Variants in APOB observed in about 807,000 individuals in gnomAD.
The protein encoded by APOB is apolipoprotein B, also known as apolipoprotein B-100.
Under a neutral mutation model 314.1 loss-of-function variants are expected in APOB, and 153 were observed. The observed-to-expected ratio is 0.49, with a 90% confidence interval of 0.43 to 0.56. The LOEUF (loss-of-function observed/expected upper bound fraction) is 0.56, where lower values mean the gene tolerates loss of function less well. Among genes scored for constraint, APOB ranks in the 20% least tolerant of loss-of-function variants. APOB has a pLI of 0.00. For missense variants in APOB, 5,430 were observed against 5,350.7 expected (o/e 1.01, Z -0.46); for synonymous variants, 2,087 against 2,036.4 (o/e 1.02, Z -0.67).
At chr2:21,035,000 C>A (rs571367552) in intron 7 of APOB, 99 bp from the exon 8 acceptor site, 17 of 783,712 alleles carry the variant, frequency 2.2e-5, no homozygotes, top group South Asian at 2.0e-4. Context: ...CCAAGTCCTG[C>A]CCATCTTTCA....
In APOB at chr2:21,009,303, C is replaced by T. The variant is rs781243278; in HGVS notation, c.7565G>A (p.Arg2522Gln). ...FRETLEDTRD[R>Q]MYQMDIQQEL... The stretch of plus-strand genomic sequence containing the variant: ...CTGCTGAATGTCCATTTGATACATT[C>T]GGTCTCGTGTATCTTCTAGGGTCTC... The change falls in exon 26 of 29, where the codon CGA becomes CAA. Residue 2522 changes from arginine (R) to glutamine (Q), a missense_variant. Arg to Gln is a conservative substitution (Grantham distance 43). This residue lies in a region of APOB where 3,281 missense variants were observed against 3,171.0 expected (regional missense o/e 1.03). Coordinates refer to ENST00000233242, the MANE Select transcript of APOB (RefSeq NM_000384.3). 4.8e-5 allele frequency: 77 copies of T among 1,613,948 alleles called. No individual in the cohort carries two copies. The highest frequency in any genetic ancestry group is 8.9e-5 in the East Asian group (4 of 44,896).
Position 21,032,550 on chromosome 2 carries a change from C to G in APOB, c.1156G>C (p.Gly386Arg). The G allele has an allele frequency of 1.9e-6, 3 of 1,614,142 alleles. No homozygotes were observed. Among genetic ancestry groups the G allele is most frequent in the Non-Finnish European group, 2.5e-6 (3 of 1,180,030 alleles). Residue 386 changes from glycine to arginine, a missense_variant, in exon 10 of 29, where the codon GGA becomes CGA. Gly to Arg is a moderately radical substitution (Grantham distance 125, BLOSUM62 -2). Transcript: ENST00000233242. ...ATGTGAGTGGAGCACTGAGGCTGTC[C>G]ACACTGAACCAAGGCTTGTAAAGTG... ...PITLQALVQC[G>R]QPQCSTHILQ...
In APOB at chr2:21,008,030, A is replaced by T. The variant is rs1663195905; in HGVS notation, c.8838T>A (p.Ile2946=). 6.2e-7 allele frequency: 1 copy of T among 1,613,942 alleles called. No homozygotes were observed. Among genetic ancestry groups the T allele is most frequent in the African/African-American group, 1.3e-5 (1 of 74,912 alleles). Residue 2946 remains isoleucine, a synonymous_variant, in exon 26 of 29, where the codon ATT becomes ATA. Coordinates refer to ENST00000233242, the MANE Select transcript of APOB (RefSeq NM_000384.3). ...FSDEGTHESQ[I]SFTIEGPLTS... ...TGAGGGGTCCTTCTATGGTGAAACT[A>T]ATTTGTGATTCATGTGTTCCCTCAT...
chr2:21,038,974 A>G lies in APOB; in HGVS notation c.384-863T>C, dbSNP rs142229577. Among the ~76,000 whole-genome samples, 468 of 152,316 alleles carry G rather than the reference A, an allele frequency of 3.1e-3. 4 individuals carry two copies. Among genetic ancestry groups the G allele is most frequent in the South Asian group, 0.023 (113 of 4,830 alleles). ...ACATTCCATTCCATGGCTAAATATA[A>G]TTTATTCACACATTGCCCCATTTGA... On this transcript the variant is annotated intron_variant, in intron 4 of 28. Transcript: ENST00000233242.
rs757204163 is a variant in APOB at position 21,005,585 on chromosome 2, G to T, written c.11283C>A (p.Cys3761Ter). The T allele has an allele frequency of 4.3e-6, 7 of 1,613,928 alleles. No individual in the cohort carries two copies. The African/African-American group carries it at 9.3e-5, about 22-fold the overall frequency. ...TTTGTATTTCTCTGAAGTCAAGTTT[G>T]CACGATGGAACCTGAAGATCTGTAA... ...VPFTDLQVPS[C>*]KLDFREIQIY... The change falls in exon 26 of 29, where the codon TGC becomes TGA. Residue 3761 changes from cysteine (C) to a stop codon, truncating the protein, a stop_gained. Coordinates refer to ENST00000233242, the MANE Select transcript of APOB (RefSeq NM_000384.3). LOFTEE classifies it high-confidence loss of function.
At chr2:21,033,635 C>A (rs1279969196) in intron 8 of APOB, 117 bp from the exon 9 acceptor site, 2 of 876,448 alleles carry the variant, frequency 2.3e-6, no homozygotes, top group East Asian at 4.9e-5. Flanking sequence ...AAGAAACTAT[C>A]CTGTATTCAA....
intron 10 of APOB, among the ~76,000 whole-genome samples, chr2:21,030,396 C>T (rs181573330): frequency 6.6e-5 from 10 of 152,042 alleles, no homozygotes; most frequent in Admixed American, 5.9e-4. Context: ...GATGGATTGC[C>T]ATATGCAGAA....
intron 20 of APOB, among the ~76,000 whole-genome samples, chr2:21,018,316 A>C (rs905601116): frequency 6.6e-5 from 10 of 152,184 alleles, no homozygotes; most frequent in Non-Finnish European, 1.2e-4. Context: ...AAATCAAATC[A>C]TGAGGACTCC....
chr2:21,019,206 A>G (rs1370970527), intron 19 of APOB, 93 bp from the exon 20 acceptor site: 1 of 1,482,458 alleles, frequency 6.7e-7, no homozygotes, highest in Non-Finnish European at 9.4e-7. Context: ...AATGCAACAA[A>G]AATATGGTCC....
chr2:21,004,762 T>A, intron 26 of APOB, 87 bp from the exon 27 acceptor site: 1 of 1,011,740 alleles, frequency 9.9e-7, no homozygotes. Flanking sequence ...AATTCTATCC[T>A]AACCAGATAT....
Position 21,005,796 on chromosome 2 carries a change from T to C in APOB, c.11072A>G (p.Asp3691Gly). The change falls in exon 26 of 29, where the codon GAT (aspartate) becomes GGT (glycine). Residue 3691 changes from aspartate to glycine, a missense_variant. Physicochemically the swap from Asp to Gly is moderately conservative, Grantham distance 94. Coordinates refer to ENST00000233242, the MANE Select transcript of APOB (RefSeq NM_000384.3). ...TCTCCTACCAATGCTGGTGGTTACA[T>C]CCAGCTTTAGGAAATCCCATAAGCT... ...DKSLWDFLKL[D>G]VTTSIGRRQH... The C allele has an allele frequency of 6.2e-7, 1 of 1,614,030 alleles. No individual in the cohort carries two copies. The highest frequency in any genetic ancestry group is 1.3e-5 in the African/African-American group (1 of 75,036).
Position 21,007,418 on chromosome 2 carries a change from G to T in APOB, c.9450C>A (p.Phe3150Leu). 6.2e-7 allele frequency: 1 copy of T among 1,614,008 alleles called. No homozygotes were observed. Among genetic ancestry groups the T allele is most frequent in the Non-Finnish European group, 8.5e-7 (1 of 1,179,950 alleles). The stretch of plus-strand genomic sequence containing the variant: ...TCAAGCCTGTTTTTTCCCATAGAGA[G>T]AAATCTTTCAGTGGAGGAGTTGTGA... The part of the protein sequence containing the change: ...TIITTPPLKD[F>L]SLWEKTGLKE... Residue 3150 changes from phenylalanine (F) to leucine (L), a missense_variant, in exon 26 of 29, where the codon TTC becomes TTA. By Grantham distance (22) the Phe-to-Leu change is conservative (BLOSUM62 0). Around this residue, in one of 3 missense-constraint regions of APOB, gnomAD observed 3,281 missense variants for 3,171.0 expected, o/e 1.03. Coordinates refer to ENST00000233242, the MANE Select transcript of APOB (RefSeq NM_000384.3).
intron 21 of APOB, 89 bp downstream of exon 21, chr2:21,016,350 G>T: frequency 1.3e-6 from 1 of 754,342 alleles, no homozygotes. Flanking sequence ...GGGAGAACAT[G>T]GCTTGGTCAG....
At position 21,043,916 on chromosome 2, in the gene APOB, C is replaced by A; in HGVS notation, c.30G>T (p.Ala10=). Residue 10 remains alanine, a synonymous_variant, in exon 1 of 29, where the codon GCG becomes GCT. Coordinates refer to ENST00000233242, the MANE Select transcript of APOB (RefSeq NM_000384.3). ...GCAGCAGCGCAGGCAGCGCCAGCAGCGCCAGCAGCGCGGGCCTCGGCGGGT... is the reference window on the plus strand; with the variant it reads ...GCAGCAGCGCAGGCAGCGCCAGCAGAGCCAGCAGCGCGGGCCTCGGCGGGT... The part of the protein sequence containing the change: MDPPRPALL[A]LLALPALLLL... 1 of 1,411,598 alleles carries A rather than the reference C, an allele frequency of 7.1e-7. No individual in the cohort carries two copies. The highest frequency in any genetic ancestry group is 9.2e-7 in the Non-Finnish European group (1 of 1,085,422). 87.4% of individuals were successfully genotyped at this position (1,411,598 alleles called of 1,614,324 possible).
chr2:21,015,576 G>T, intron 21 of APOB, 31 bp from the exon 22 acceptor site: 1 of 1,605,434 alleles, frequency 6.2e-7, no homozygotes, highest in African/African-American at 1.3e-5. Flanking sequence ...TGGCACCAAT[G>T]ATTTTGTCCT....
chr2:21,016,560 C>G lies in APOB; in HGVS notation c.3211G>C (p.Val1071Leu). The G allele has an allele frequency of 1.2e-6, 2 of 1,609,594 alleles. No individual in the cohort carries two copies. The highest frequency in any genetic ancestry group is 1.7e-6 in the Non-Finnish European group (2 of 1,175,878). ...ACTCTGAGGATTGTTCCGAGGTCAA[C>G]ATCAAAATCCGGAATTTGGACTTCA... ...SSEVQIPDFD[V>L]DLGTILRVND... Residue 1071 changes from valine to leucine, a missense_variant, in exon 21 of 29, where the codon GTT becomes CTT. Around this residue, in one of 3 missense-constraint regions of APOB, gnomAD observed 2,085 missense variants for 2,079.7 expected, o/e 1.00. Coordinates refer to ENST00000233242, the MANE Select transcript of APOB (RefSeq NM_000384.3).
chr2:21,023,138 C>A (rs1663655776), intron 17 of APOB, 96 bp from the exon 18 acceptor site: 1 of 1,105,482 alleles, frequency 9.0e-7, no homozygotes, highest in East Asian at 2.4e-5. Context: ...GCAAAGATTT[C>A]CTGGATAACT....
chr2:21,006,627 A>G lies in APOB; in HGVS notation c.10241T>C (p.Val3414Ala). 1 of 1,614,060 alleles carries G rather than the reference A, an allele frequency of 6.2e-7. No individual in the cohort carries two copies. Among genetic ancestry groups the G allele is most frequent in the South Asian group, 1.1e-5 (1 of 91,080 alleles). ...TTCCATATTTTTCGTGGTTAAGCTC[A>G]CAGTACTGTTATGACTACCCTCCAC... ...KFVEGSHNSTVSLTTKNMEVS... is the reference protein window; with the variant it reads ...KFVEGSHNSTASLTTKNMEVS... The change falls in exon 26 of 29, where the codon GTG (valine) becomes GCG (alanine). Residue 3414 changes from valine (V) to alanine (A), a missense_variant. Coordinates refer to ENST00000233242, the MANE Select transcript of APOB (RefSeq NM_000384.3).
In APOB at chr2:21,005,244, A is replaced by T; in HGVS notation, c.11624T>A (p.Ile3875Asn). ...PSIKFSVPAG[I>N]VIPSFQALTA... ...CAGTGCTTGAAAGGAAGGAATGACA[A>T]TTCCAGCAGGTACAGAGAACTTAAT... Residue 3875 changes from isoleucine (I) to asparagine (N), a missense_variant, in exon 26 of 29, where the codon ATT becomes AAT. Physicochemically the swap from Ile to Asn is moderately radical, Grantham distance 149. Transcript: ENST00000233242. 6.2e-7 allele frequency: 1 copy of T among 1,614,100 alleles called. No homozygotes were observed. The highest frequency in any genetic ancestry group is 8.5e-7 in the Non-Finnish European group (1 of 1,179,978).
Sources: gnomAD v4.1 joint callset for allele counts (sites outside exome capture counted in the v4.1 genomes callset) on GRCh38, gnomAD v4.1.1 for gene constraint, gnomAD v4.1.1 regional missense constraint, MANE v1.5 for transcripts, NCBI Gene and HGNC (gene_info 2026-07-23, HGNC 2026-07-21) for gene names.